The following TF variants were observed in gnomAD, a reference collection of about 807,000 sequenced individuals.
TF encodes transferrin, also known as serotransferrin.
Under a neutral mutation model 82.4 loss-of-function variants are expected in TF, and 55 were observed. The observed-to-expected ratio is 0.67, with a 90% CI of 0.54 to 0.84. TF has a LOEUF of 0.84. TF is among the 40% of genes least tolerant of loss of function. TF has a pLI of 0.00. For missense variants in TF, 737 were observed against 868.4 expected (o/e 0.85, Z 1.90); for synonymous variants, 332 against 332.6 (o/e 1.00, Z 0.02).
chr3:133,714,378 C>A, the TF span, among the ~76,000 whole-genome samples: 1 of 152,164 alleles, frequency 6.6e-6, no homozygotes, highest in Non-Finnish European at 1.5e-5. Context: ...TTCATAGACA[C>A]CAGGGTATTC....
At chr3:133,777,329 C>A in intron 16 of TF, 91 bp downstream of exon 16, 1 of 1,286,190 alleles carries the variant, frequency 7.8e-7, no homozygotes, top group Non-Finnish European at 1.1e-6. Flanking sequence ...TAGGCTGTGG[C>A]CCTTGGGATA....
upstream of TF, chr3:133,746,349 C>A (rs944659178): frequency 2.0e-6 from 3 of 1,475,196 alleles, no homozygotes; most frequent in Non-Finnish European, 2.8e-6. Flanking sequence ...CCAGCCCGCC[C>A]AGGCCGGGAA....
chr3:133,745,776 G>A (rs374098600), upstream of TF, among the ~76,000 whole-genome samples: 2 of 152,214 alleles, frequency 1.3e-5, no homozygotes, highest in South Asian at 4.1e-4. Flanking sequence ...TTGAGGGCGG[G>A]AAGTTTTCCA....
intron 8 of TF, among the ~76,000 whole-genome samples, chr3:133,758,412 C>T (rs541642405): frequency 6.6e-6 from 1 of 152,188 alleles, no homozygotes; most frequent in Non-Finnish European, 1.5e-5. Flanking sequence ...ATTTATTGAA[C>T]ATCTAGCCAT....
the TF span, among the ~76,000 whole-genome samples, chr3:133,663,382 G>A: frequency 2.6e-5 from 3 of 117,132 alleles, no homozygotes; most frequent in Admixed American, 2.1e-4. Flanking sequence ...TACCAGAAAT[G>A]AGTCAGAATC....
chr3:133,732,523 G>T, the TF span, among the ~76,000 whole-genome samples: 2 of 152,216 alleles, frequency 1.3e-5, no homozygotes, highest in Non-Finnish European at 1.5e-5. Flanking sequence ...ACCCACTCCG[G>T]TTCCTTTTCA....
At chr3:133,764,936 TAAA>T (rs764793262) in intron 11 of TF, 29 bp downstream of exon 11, 1 of 1,611,392 alleles carries the variant, frequency 6.2e-7, no homozygotes, top group African/African-American at 1.3e-5. Context: ...CCTCTGGAGT[TAAA>T]AGATAAATTC....
intron 9 of TF, among the ~76,000 whole-genome samples, chr3:133,759,982 C>T (rs1181197522): frequency 6.6e-6 from 1 of 151,962 alleles, no homozygotes; most frequent in Non-Finnish European, 1.5e-5. Context: ...CTACCTTTTA[C>T]TCACTCACAG....
At chr3:133,768,784 ATTTTTTTTT>A (rs5852766) in intron 13 of TF, among the ~76,000 whole-genome samples, 3 of 82,168 alleles carry the variant, frequency 3.7e-5, no homozygotes, top group Admixed American at 1.7e-4. Context: ...GTACCTTGCT[ATTTTTTTTT>A]TTTTTTTTTT....
chr3:133,684,423 T>A, the TF span, among the ~76,000 whole-genome samples: 1 of 152,164 alleles, frequency 6.6e-6, no homozygotes, highest in Non-Finnish European at 1.5e-5. Flanking sequence ...GAGCTGGTTT[T>A]TTGAAAAGTT....
At chr3:133,682,638 G>A in the TF span, among the ~76,000 whole-genome samples, 1 of 152,188 alleles carries the variant, frequency 6.6e-6, no homozygotes, top group Admixed American at 6.5e-5. Flanking sequence ...ATGAAATGAA[G>A]TGAGAACAGA....
chr3:133,674,913 A>G, the TF span, among the ~76,000 whole-genome samples: 56 of 152,196 alleles, frequency 3.7e-4, no homozygotes, highest in Non-Finnish European at 6.9e-4. Flanking sequence ...GATGTTGTAT[A>G]CACCCAGATG....
intron 1 of TF, 131 bp from the exon 2 acceptor site, chr3:133,748,281 A>G (rs1464015947): frequency 8.9e-7 from 1 of 1,123,542 alleles, no homozygotes; most frequent in East Asian, 2.5e-5. Flanking sequence ...TGTGCCCTGT[A>G]GTGTTCATGG....
At chr3:133,720,162 T>A in the TF span, among the ~76,000 whole-genome samples, 1 of 152,200 alleles carries the variant, frequency 6.6e-6, no homozygotes, top group East Asian at 1.9e-4. Flanking sequence ...AAAGTGAGCA[T>A]CCTTGATCTC....
chr3:133,741,431 C>T (rs1212265932), upstream of TF, among the ~76,000 whole-genome samples: 2 of 152,170 alleles, frequency 1.3e-5, no homozygotes, highest in Non-Finnish European at 2.9e-5. Context: ...CCTGACTAAA[C>T]TAGCAAGGGC....
At position 133,753,596 on chromosome 3, in the gene TF, C is replaced by G; in HGVS notation, c.218C>G (p.Ala73Gly). The G allele has an allele frequency of 6.2e-7, 1 of 1,614,004 alleles. No individual in the cohort carries two copies. The highest frequency in any genetic ancestry group is 1.1e-5 in the South Asian group (1 of 91,080). The change falls in exon 3 of 17, where the codon GCA becomes GGA. Residue 73 changes from alanine (A) to glycine (G), a missense_variant and splice_region_variant. By Grantham distance (60) the Ala-to-Gly change is moderately conservative. Coordinates refer to ENST00000402696, the MANE Select transcript of TF (RefSeq NM_001063.4). ...SYLDCIRAIA[A>G]NEADAVTLDA... ...CAGGACTGGCCTGTTCTCTTTCAGG[C>G]AAACGAAGCGGATGCTGTGACACTG...
At position 133,755,470 on chromosome 3, in the gene TF, T is replaced by A. The variant is rs1195697536; in HGVS notation, c.610T>A (p.Tyr204Asn). Residue 204 changes from tyrosine to asparagine, a missense_variant, in exon 5 of 17, where the codon TAC (tyrosine) becomes AAC (asparagine). Transcript: ENST00000402696. ...PGCGCSTLNQYFGYSGAFKCL... is the reference protein window; with the variant it reads ...PGCGCSTLNQNFGYSGAFKCL... ...GTGTGGCTGCTCCACCCTTAACCAA[T>A]ACTTCGGCTACTCGGGAGCCTTCAA... 1 of 1,614,024 alleles carries A rather than the reference T, an allele frequency of 6.2e-7. No individual in the cohort carries two copies. Among genetic ancestry groups the A allele is most frequent in the African/African-American group, 1.3e-5 (1 of 74,934 alleles).
chr3:133,773,956 C>T, intron 14 of TF: 1 of 152,466 alleles, frequency 6.6e-6, no homozygotes, highest in Non-Finnish European at 1.5e-5. Flanking sequence ...CGCAGAGAGG[C>T]ATTCCTTTCT....
chr3:133,685,387 G>A, the TF span, among the ~76,000 whole-genome samples: 3 of 152,086 alleles, frequency 2.0e-5, no homozygotes, highest in Non-Finnish European at 4.4e-5. Context: ...AAGGGTATTC[G>A]ATTAGGAAAA....
Sources: gnomAD v4.1 joint callset for allele counts (sites outside exome capture counted in the v4.1 genomes callset) on GRCh38, gnomAD v4.1.1 for gene constraint, MANE v1.5 for transcripts, NCBI Gene and HGNC (gene_info 2026-07-23, HGNC 2026-07-21) for gene names.